ERBIN: variants seen among roughly 807,000 people sequenced by gnomAD.
The protein encoded by ERBIN is densin-180-like protein.
In ERBIN, 60 loss-of-function variants were observed where a neutral mutation model predicts 158.4. The observed-to-expected ratio is 0.38, with a 90% CI of 0.31 to 0.47. ERBIN has a LOEUF of 0.47. Among genes scored for constraint, ERBIN ranks in the 20% least tolerant of loss-of-function variants. ERBIN has a pLI of 0.99. For synonymous variants in ERBIN, 594 were observed against 557.2 expected (o/e 1.07, Z -0.93); for missense variants, 1,610 against 1,648.0 (o/e 0.98, Z 0.40).
chr5:65,974,282 T>C (rs942581537), intron 1 of ERBIN, among the ~76,000 whole-genome samples: 1 of 152,232 alleles, frequency 6.6e-6, no homozygotes, highest in Non-Finnish European at 1.5e-5. Context: ...CTTACACTCA[T>C]TGAGAACCAT....
chr5:66,031,436 A>G (rs1756865116), intron 14 of ERBIN, among the ~76,000 whole-genome samples: 1 of 152,246 alleles, frequency 6.6e-6, no homozygotes, highest in African/African-American at 2.4e-5. Context: ...AAAAGACTTA[A>G]TAGGACTAAG....
intron 1 of ERBIN, among the ~76,000 whole-genome samples, chr5:65,952,848 C>T (rs1746673600): frequency 6.6e-6 from 1 of 152,162 alleles, no homozygotes; most frequent in Admixed American, 6.5e-5. Context: ...GCCTTTCAGA[C>T]ATGCTTGCGC....
At chr5:65,987,295 G>A (rs1751337103) in intron 1 of ERBIN, among the ~76,000 whole-genome samples, 1 of 151,548 alleles carries the variant, frequency 6.6e-6, no homozygotes, top group Non-Finnish European at 1.5e-5. Context: ...CACTTTGGGA[G>A]GCTGAATTGA....
At chr5:65,972,947 T>G (rs1175048906) in intron 1 of ERBIN, among the ~76,000 whole-genome samples, 1 of 151,368 alleles carries the variant, frequency 6.6e-6, no homozygotes, top group East Asian at 1.9e-4. Context: ...TTCCTACGTT[T>G]TTTTCGGTTT....
At chr5:66,033,662 C>T (rs1757112171) in intron 14 of ERBIN, among the ~76,000 whole-genome samples, 1 of 151,998 alleles carries the variant, frequency 6.6e-6, no homozygotes, top group South Asian at 2.1e-4. Context: ...AATGGAATCA[C>T]ATAATGTTGA....
At chr5:65,991,090 A>T (rs983208771) in intron 2 of ERBIN, among the ~76,000 whole-genome samples, 2 of 152,186 alleles carry the variant, frequency 1.3e-5, no homozygotes, top group Admixed American at 6.5e-5. Context: ...ATTGCAAGGG[A>T]AATACATATC....
chr5:65,949,251 G>A (rs1261559455), intron 1 of ERBIN, among the ~76,000 whole-genome samples: 1 of 152,094 alleles, frequency 6.6e-6, no homozygotes, highest in Non-Finnish European at 1.5e-5. Context: ...CTTGATGCAA[G>A]TGCTTTGAAG....
chr5:65,990,267 G>A (rs1751716628), intron 2 of ERBIN, among the ~76,000 whole-genome samples: 1 of 152,152 alleles, frequency 6.6e-6, no homozygotes, highest in Admixed American at 6.5e-5. Flanking sequence ...GTTTCTTCAT[G>A]GAAAAATGCA....
intron 1 of ERBIN, among the ~76,000 whole-genome samples, chr5:65,948,577 A>G (rs961545016): frequency 3.3e-5 from 5 of 152,112 alleles, no homozygotes; most frequent in Admixed American, 2.0e-4. Context: ...GTAGTTTACA[A>G]TGGTAGATTT....
intron 1 of ERBIN, among the ~76,000 whole-genome samples, chr5:65,980,169 G>C (rs2151013345): frequency 6.6e-6 from 1 of 152,230 alleles, no homozygotes; most frequent in East Asian, 1.9e-4. Flanking sequence ...TAATCCCAGT[G>C]CTTTGGGAGG....
intron 10 of ERBIN, 40 bp from the exon 11 acceptor site, chr5:66,025,440 T>C (rs931380581): frequency 2.1e-5 from 31 of 1,504,516 alleles, no homozygotes; most frequent in Non-Finnish European, 2.6e-5. Context: ...TTGCTTCTAT[T>C]TTAAGCTGAA....
intron 1 of ERBIN, among the ~76,000 whole-genome samples, chr5:65,937,465 CTTTTT>C (rs538472199): frequency 6.6e-6 from 1 of 151,812 alleles, no homozygotes; most frequent in Non-Finnish European, 1.5e-5. Context: ...TCAGGATTTT[CTTTTT>C]TTTATTTGTT....
intron 5 of ERBIN, among the ~76,000 whole-genome samples, chr5:66,012,960 C>T (rs1471684321): frequency 6.6e-6 from 1 of 152,108 alleles, no homozygotes; most frequent in Non-Finnish European, 1.5e-5. Context: ...GTAATCTAAA[C>T]CAGTGGTTCT....
At chr5:65,944,587 TA>T (rs1745508166) in intron 1 of ERBIN, among the ~76,000 whole-genome samples, 1 of 152,098 alleles carries the variant, frequency 6.6e-6, no homozygotes, top group Non-Finnish European at 1.5e-5. Flanking sequence ...GTATTTTTAG[TA>T]GAGATGGGGT....
chr5:65,944,688 A>G (rs1745519043), intron 1 of ERBIN, among the ~76,000 whole-genome samples: 1 of 152,236 alleles, frequency 6.6e-6, no homozygotes, highest in Admixed American at 6.5e-5. Flanking sequence ...GGTGTGAGCC[A>G]CTATACCTGG....
chr5:66,057,201 A>T (rs1407942224), intron 21 of ERBIN, among the ~76,000 whole-genome samples: 1 of 152,232 alleles, frequency 6.6e-6, no homozygotes, highest in Non-Finnish European at 1.5e-5. Context: ...AGCTACTTGG[A>T]CAAATAACTT....
chr5:65,962,343 A>G (rs1413198211), intron 1 of ERBIN, among the ~76,000 whole-genome samples: 1 of 152,204 alleles, frequency 6.6e-6, no homozygotes, highest in East Asian at 1.9e-4. Flanking sequence ...TACTAGAAAA[A>G]TGTCAGAATC....
At position 66,080,178 on chromosome 5, in the gene ERBIN, C is replaced by A. The variant is rs1158831720; in HGVS notation, c.*1648C>A. On this transcript the variant is annotated 3_prime_UTR_variant, in exon 26 of 26. Coordinates refer to ENST00000284037, the MANE Select transcript of ERBIN (RefSeq NM_001253697.2). ...AAGACTAGCTTAAAACACCAACCAACATTATTTTTGCAAAAGTGAGTTGGA... is the reference window on the plus strand; with the variant it reads ...AAGACTAGCTTAAAACACCAACCAAAATTATTTTTGCAAAAGTGAGTTGGA... 1 of 152,578 alleles carries A rather than the reference C, an allele frequency of 6.6e-6. No homozygotes were observed. Among genetic ancestry groups the A allele is most frequent in the Non-Finnish European group, 1.5e-5 (1 of 67,988 alleles). 9.5% of individuals were successfully genotyped at this position (152,578 alleles called of 1,614,324 possible). A position where few individuals can be genotyped will look rare whatever the true frequency, so the allele number is the denominator to read the frequency against.
intron 4 of ERBIN, among the ~76,000 whole-genome samples, chr5:66,009,403 A>G (rs1343665830): frequency 6.6e-6 from 1 of 152,240 alleles, no homozygotes; most frequent in African/African-American, 2.4e-5. Flanking sequence ...GAAATTCAGC[A>G]AACATTTGTT....
Sources: allele counts gnomAD v4.1 joint callset (sites outside exome capture counted in the v4.1 genomes callset), GRCh38; gene constraint gnomAD v4.1.1; transcripts MANE v1.5; gene names NCBI Gene and HGNC (gene_info 2026-07-23, HGNC 2026-07-21).